Variants in WDFY1 observed in about 807,000 individuals in gnomAD.
WDFY1 encodes the protein WD repeat and FYVE domain containing 1.
A neutral mutation model predicts 56.4 loss-of-function variants in WDFY1; 32 were observed. That is an observed-to-expected ratio of 0.57 (90% CI 0.43 to 0.76). The LOEUF (loss-of-function observed/expected upper bound fraction) is 0.76, where lower values mean the gene tolerates loss of function less well. Ranked by LOEUF, WDFY1 falls within the 30% of genes least tolerant of loss-of-function variation. The pLI is 0.00. For synonymous variants in WDFY1, 192 were observed against 197.3 expected, an observed-to-expected ratio of 0.97 and a Z score of 0.23; for missense variants, 480 against 545.7, an observed-to-expected ratio of 0.88 and a Z score of 1.20.
rs556730733 is a variant in WDFY1 at position 223,931,119 on chromosome 2, A to G, written c.138-13109T>C. Among the ~76,000 whole-genome samples, 6 of 152,390 alleles carry G rather than the reference A, an allele frequency of 3.9e-5. No individual in the cohort carries two copies. In the East Asian group the frequency reaches 9.6e-4, roughly 24 times the overall value. On this transcript the variant is annotated intron_variant, in intron 1 of 11. Transcript: ENST00000233055. ...GAGGTTAAAATTAAAAATAAAAAGC[A>G]TTTGGCATTTATTGAATGCCAAGGA...
Position 223,884,710 on chromosome 2 carries a change from C to A in WDFY1, c.871G>T (p.Glu291Ter). The A allele has an allele frequency of 6.2e-7, 1 of 1,614,092 alleles. No individual in the cohort carries two copies. The highest frequency in any genetic ancestry group is 1.1e-5 in the South Asian group (1 of 91,068). Reference sequence around the variant, plus strand: ...TTTATGTTCCAGAAAAATGGCTGCTCACATTTCTGACAAGAATCACTTTCC... The same window carrying A: ...TTTATGTTCCAGAAAAATGGCTGCTAACATTTCTGACAAGAATCACTTTCC... ...WLESDSCQKC[E>*]QPFFWNIKQM... Residue 291 changes from glutamate to a stop codon, truncating the protein, a stop_gained, in exon 9 of 12, where the codon GAG becomes TAG. Transcript: ENST00000233055. LOFTEE classifies it high-confidence loss of function.
intron 3 of WDFY1, among the ~76,000 whole-genome samples, chr2:223,910,726 C>G (rs1298242385): frequency 6.6e-6 from 1 of 151,974 alleles, no homozygotes. Context: ...CCAGGATGAC[C>G]ATAACAAAAA....
At chr2:223,908,638 G>C (rs590872) in intron 3 of WDFY1, among the ~76,000 whole-genome samples, 145,979 of 152,202 alleles carry the variant, frequency 0.96, 70,090 homozygotes, top group Non-Finnish European at 0.97. Flanking sequence ...TTTTCTCAAT[G>C]TACCTGCTCT....
rs181683100 is a variant in WDFY1 at position 223,892,500 on chromosome 2, C to A, written c.831+1734G>T. On this transcript the variant is annotated intron_variant, in intron 8 of 11. Transcript: ENST00000233055. The stretch of plus-strand genomic sequence containing the variant: ...TTTATAGGGTAGTCTATTTCTTCCA[C>A]TAGATTACACATTTCTTGTGGGCAA... Among the ~76,000 whole-genome samples, 213 of 152,196 alleles carry A rather than the reference C, an allele frequency of 1.4e-3. 2 individuals carry two copies. Among genetic ancestry groups the A allele is most frequent in the Middle Eastern group, 6.8e-3 (2 of 294 alleles).
At chr2:223,921,816 T>G (rs929684556) in intron 1 of WDFY1, among the ~76,000 whole-genome samples, 1 of 152,302 alleles carries the variant, frequency 6.6e-6, no homozygotes, top group South Asian at 2.1e-4. Flanking sequence ...AATTAAACGA[T>G]AATTCCCATA....
rs1237895596 is a variant in WDFY1 at position 223,895,265 on chromosome 2, G to A, written c.725+239C>T. Among the ~76,000 whole-genome samples the A allele has an allele frequency of 1.3e-5, 2 of 152,076 alleles. 1 individual carries two copies. On this transcript the variant is annotated intron_variant, in intron 7 of 11. Coordinates refer to ENST00000233055, the MANE Select transcript of WDFY1 (RefSeq NM_020830.5). ...AGTGGCAAGTGCTCTTTGGACTAAG[G>A]AGGAAGAAAGCCCTGCATTTGTTTT...
chr2:223,939,326 T>C (rs73992116), intron 1 of WDFY1, among the ~76,000 whole-genome samples: 2,908 of 152,278 alleles, frequency 0.019, 83 homozygotes, highest in Middle Eastern at 0.065. Flanking sequence ...AAGCCCGGAC[T>C]GGGGTTTCTC....
At chr2:223,899,511 G>C (rs1183562902) in intron 5 of WDFY1, among the ~76,000 whole-genome samples, 2 of 152,222 alleles carry the variant, frequency 1.3e-5, no homozygotes, top group East Asian at 3.8e-4. Flanking sequence ...TTGGGAGGCT[G>C]AGGCGGGCAG....
At chr2:223,904,915 A>G (rs1693571083) in intron 4 of WDFY1, among the ~76,000 whole-genome samples, 1 of 152,196 alleles carries the variant, frequency 6.6e-6, no homozygotes, top group African/African-American at 2.4e-5. Flanking sequence ...TTTACAAAAT[A>G]AAGTAAAAAC....
chr2:223,932,942 G>A (rs1296822340), intron 1 of WDFY1, among the ~76,000 whole-genome samples: 2 of 151,068 alleles, frequency 1.3e-5, no homozygotes, highest in Non-Finnish European at 2.9e-5. Context: ...AAGGGGGAAC[G>A]AACAACATAG....
intron 1 of WDFY1, among the ~76,000 whole-genome samples, chr2:223,933,652 T>C (rs1694118687): frequency 1.3e-5 from 2 of 151,402 alleles, no homozygotes; most frequent in South Asian, 4.2e-4. Flanking sequence ...ATACCCTGTC[T>C]CTACAAAAAA....
chr2:223,913,993 CTT>C (rs386392770), intron 2 of WDFY1, among the ~76,000 whole-genome samples: 1,201 of 87,972 alleles, frequency 0.014, 7 homozygotes, highest in Middle Eastern at 0.085. Flanking sequence ...AATCAGTTAG[CTT>C]TTTTTTTTTT....
At chr2:223,924,816 C>G (rs1451797384) in intron 1 of WDFY1, among the ~76,000 whole-genome samples, 1 of 152,050 alleles carries the variant, frequency 6.6e-6, no homozygotes. Context: ...AGCAAAGGAA[C>G]AACTCAAAAC....
chr2:223,942,528 T>TTTTTTTTTTTTTC, intron 1 of WDFY1, among the ~76,000 whole-genome samples: 2 of 10,434 alleles, frequency 1.9e-4, no homozygotes, highest in Non-Finnish European at 8.1e-4. Flanking sequence ...AAAGGCTAAC[T>TTTTTTTTTTTTTC]TTTTTTTTTT....
chr2:223,911,932 T>A (rs921245991), intron 3 of WDFY1, among the ~76,000 whole-genome samples: 2 of 151,716 alleles, frequency 1.3e-5, no homozygotes, highest in African/African-American at 2.4e-5. Flanking sequence ...TCCTCCCACC[T>A]CAGTCTCCTA....
At chr2:223,878,777 T>C (rs752308857) in intron 11 of WDFY1, 47 bp from the exon 12 acceptor site, 1 of 1,609,192 alleles carries the variant, frequency 6.2e-7, no homozygotes, top group South Asian at 1.1e-5. Flanking sequence ...GATAACCAGG[T>C]CTAACGGCAA....
At chr2:223,906,344 AT>A (rs908862449) in intron 3 of WDFY1, among the ~76,000 whole-genome samples, 6 of 152,218 alleles carry the variant, frequency 3.9e-5, no homozygotes, top group Non-Finnish European at 8.8e-5. Context: ...AAGACACTGC[AT>A]ATTAAAGCAA....
At chr2:223,883,644 T>A (rs531167587) in intron 9 of WDFY1, among the ~76,000 whole-genome samples, 4 of 152,180 alleles carry the variant, frequency 2.6e-5, no homozygotes, top group Non-Finnish European at 5.9e-5. Flanking sequence ...AGATTTTATT[T>A]ATTAATTAAT....
intron 7 of WDFY1, among the ~76,000 whole-genome samples, chr2:223,895,275 G>A (rs1693345462): frequency 6.6e-6 from 1 of 151,900 alleles, no homozygotes. Flanking sequence ...GAGGAAGAAA[G>A]CCCTGCATTT....
Sources: allele counts gnomAD v4.1 joint callset (sites outside exome capture counted in the v4.1 genomes callset), GRCh38; gene constraint gnomAD v4.1.1; transcripts MANE v1.5; gene names NCBI Gene and HGNC (gene_info 2026-07-23, HGNC 2026-07-21).